FHIT: variants seen among roughly 807,000 people sequenced by gnomAD.
FHIT encodes bis(5'-adenosyl)-triphosphatase.
FHIT carries 19 observed loss-of-function variants against 17.9 expected under a neutral mutation model. The observed-to-expected ratio is 1.06, with a 90% CI of 0.74 to 1.56. FHIT has a LOEUF of 1.56. Ranked by LOEUF, FHIT falls within the 40% of genes most tolerant of loss-of-function variation. The probability of loss-of-function intolerance (pLI) is 0.00; values close to 1 mark genes in which losing one functional copy is unlikely to be tolerated. For synonymous variants in FHIT, 81 were observed against 69.7 expected, an observed-to-expected ratio of 1.16 and a Z score of -0.81; for missense variants, 248 against 189.2, an observed-to-expected ratio of 1.31 and a Z score of -1.82.
At chr3:60,926,092 C>T (rs1707592260) in intron 3 of FHIT, among the ~76,000 whole-genome samples, 1 of 152,082 alleles carries the variant, frequency 6.6e-6, no homozygotes, top group Admixed American at 6.5e-5. Context: ...CTTAGACTCC[C>T]ACACAATAAT....
At chr3:60,376,608 A>G (rs1231968938) in intron 5 of FHIT, among the ~76,000 whole-genome samples, 2 of 152,198 alleles carry the variant, frequency 1.3e-5, no homozygotes, top group Non-Finnish European at 2.9e-5. Flanking sequence ...TTTCAATGCA[A>G]AACAAACTCA....
At chr3:60,166,056 G>T (rs749122883) in intron 5 of FHIT, among the ~76,000 whole-genome samples, 4 of 151,962 alleles carry the variant, frequency 2.6e-5, no homozygotes, top group Non-Finnish European at 4.4e-5. Flanking sequence ...TCAAGGAAAG[G>T]CTCCTGTAAT....
intron 8 of FHIT, among the ~76,000 whole-genome samples, chr3:59,830,159 G>C (rs549678403): frequency 1.3e-5 from 2 of 152,246 alleles, no homozygotes; most frequent in Admixed American, 6.5e-5. Flanking sequence ...ATATTACCAA[G>C]AATAGCTTAG....
At chr3:60,987,890 C>G (rs536545592) in intron 3 of FHIT, among the ~76,000 whole-genome samples, 1 of 152,310 alleles carries the variant, frequency 6.6e-6, no homozygotes, top group Middle Eastern at 3.4e-3. Context: ...GTCCTTTGTT[C>G]TTGGTGATTT....
chr3:60,002,872 T>C (rs769399281), intron 7 of FHIT, among the ~76,000 whole-genome samples: 1 of 152,128 alleles, frequency 6.6e-6, no homozygotes, highest in Non-Finnish European at 1.5e-5. Context: ...TCAAAATATA[T>C]TTATAAAAAT....
intron 4 of FHIT, among the ~76,000 whole-genome samples, chr3:60,801,455 T>G (rs1016525345): frequency 1.3e-5 from 2 of 152,172 alleles, no homozygotes; most frequent in African/African-American, 4.8e-5. Context: ...CCCTAGATCT[T>G]TGGAGAATTA....
At chr3:59,773,116 T>C (rs1702147983) in intron 8 of FHIT, among the ~76,000 whole-genome samples, 1 of 152,168 alleles carries the variant, frequency 6.6e-6, no homozygotes, top group African/African-American at 2.4e-5. Flanking sequence ...CACAATTCAG[T>C]TGTATCTTGA....
At chr3:60,904,559 T>C (rs1451646747) in intron 3 of FHIT, among the ~76,000 whole-genome samples, 1 of 151,412 alleles carries the variant, frequency 6.6e-6, no homozygotes, top group African/African-American at 2.4e-5. Flanking sequence ...AAAAATACCA[T>C]AAGCAAAAAT....
At chr3:60,108,891 G>A (rs975215269) in intron 5 of FHIT, among the ~76,000 whole-genome samples, 19 of 152,074 alleles carry the variant, frequency 1.2e-4, no homozygotes, top group East Asian at 3.9e-4. Context: ...TCGTACTCCC[G>A]ACCTCAAGTG....
rs1361973724 is a variant in FHIT, at chr3:60,967,377, A to C, written c.-111+74670T>G. Among the ~76,000 whole-genome samples, 4 of 152,242 alleles carry C rather than the reference A, an allele frequency of 2.6e-5. No individual in the cohort carries two copies. In the East Asian group the frequency reaches 7.7e-4, roughly 29 times the overall value. ...AAATAACAAGCATTGCAAATACCTA[A>C]GACTTTGGTGTATTGACTGCCTATC... On this transcript the variant is annotated intron_variant, in intron 3 of 9. Transcript: ENST00000492590.
intron 4 of FHIT, among the ~76,000 whole-genome samples, chr3:60,664,147 T>C (rs1352180380): frequency 6.6e-6 from 1 of 152,208 alleles, no homozygotes; most frequent in Non-Finnish European, 1.5e-5. Flanking sequence ...ATTTTTATTA[T>C]AAATAGATGT....
At chr3:61,167,491 G>A (rs754508424) in intron 2 of FHIT, among the ~76,000 whole-genome samples, 1 of 151,332 alleles carries the variant, frequency 6.6e-6, no homozygotes, top group African/African-American at 2.4e-5. Context: ...ACAAAAATTA[G>A]TCGGGCATGT....
chr3:59,879,492 T>A (rs374085001), intron 8 of FHIT, among the ~76,000 whole-genome samples: 6 of 152,094 alleles, frequency 3.9e-5, no homozygotes, highest in African/African-American at 1.4e-4. Context: ...CAATTGATAA[T>A]GATCTAAAGA....
At chr3:60,085,990 G>A (rs1703477419) in intron 5 of FHIT, among the ~76,000 whole-genome samples, 1 of 152,156 alleles carries the variant, frequency 6.6e-6, no homozygotes, top group Non-Finnish European at 1.5e-5. Context: ...ATAAAGAAAA[G>A]AGGTTTATTT....
At chr3:60,746,438 G>A (rs1553715361) in intron 4 of FHIT, among the ~76,000 whole-genome samples, 1 of 152,206 alleles carries the variant, frequency 6.6e-6, no homozygotes, top group Non-Finnish European at 1.5e-5. Context: ...CAGGGCTTCA[G>A]GAGCGACAGC....
intron 4 of FHIT, among the ~76,000 whole-genome samples, chr3:60,708,862 T>C (rs2041442941): frequency 6.6e-6 from 1 of 152,134 alleles, no homozygotes; most frequent in African/African-American, 2.4e-5. Context: ...TAATGTGCTA[T>C]TACCAACTGT....
chr3:59,878,213 A>T (rs1267633607), intron 8 of FHIT, among the ~76,000 whole-genome samples: 4 of 152,208 alleles, frequency 2.6e-5, no homozygotes, highest in Admixed American at 1.3e-4. Context: ...TTATGAAAAC[A>T]TAATATAATT....
chr3:60,975,520 A>G (rs1314766436), intron 3 of FHIT, among the ~76,000 whole-genome samples: 1 of 152,230 alleles, frequency 6.6e-6, no homozygotes, highest in Non-Finnish European at 1.5e-5. Flanking sequence ...AAGTATAGCC[A>G]TTTCAAAATC....
intron 5 of FHIT, among the ~76,000 whole-genome samples, chr3:60,528,611 A>C (rs187959723): frequency 6.6e-6 from 1 of 152,310 alleles, no homozygotes; most frequent in East Asian, 1.9e-4. Flanking sequence ...TGCTTGACTT[A>C]ATTGGTCTTG....
Sources: allele counts gnomAD v4.1 joint callset (sites outside exome capture counted in the v4.1 genomes callset), GRCh38; gene constraint gnomAD v4.1.1; transcripts MANE v1.5; gene names NCBI Gene and HGNC (gene_info 2026-07-23, HGNC 2026-07-21).